YY1: variants seen among roughly 807,000 people sequenced by gnomAD.
The protein encoded by YY1 is transcriptional repressor protein YY1.
In YY1, 2 loss-of-function variants were observed where a neutral mutation model predicts 35.6. The ratio of observed to expected loss-of-function variants is 0.06; its 90% CI spans 0.02 to 0.18. YY1 has a LOEUF of 0.18. Among genes scored for constraint, YY1 ranks in the 10% least tolerant of loss-of-function variants. YY1 has a pLI of 1.00. For synonymous variants in YY1, 268 were observed against 238.9 expected (o/e 1.12, Z -1.12); for missense variants, 322 against 573.4 (o/e 0.56, Z 4.48).
intron 1 of YY1, among the ~76,000 whole-genome samples, chr14:100,250,110 G>C (rs1595316611): frequency 6.6e-6 from 1 of 152,280 alleles, no homozygotes; most frequent in African/African-American, 2.4e-5. Context: ...TGTCATTTCT[G>C]AGGTCAGTTT....
rs1195228695 is a variant in YY1, at chr14:100,244,318, TA to T, written c.679+4396del. On this transcript the variant is annotated intron_variant, in intron 1 of 4. Transcript: ENST00000262238. ...GAGATTGGCTTTTTTTTTCCTTTTTTACTTTTTTTTTTTTTTTTTTTTTTTG... is the reference window on the plus strand; with the variant it reads ...GAGATTGGCTTTTTTTTTCCTTTTTTCTTTTTTTTTTTTTTTTTTTTTTTG... Among the ~76,000 whole-genome samples, 929 of 112,320 alleles carry T rather than the reference TA, an allele frequency of 8.3e-3. 15 individuals carry two copies. Among genetic ancestry groups the T allele is most frequent in the African/African-American group, 0.028 (895 of 32,296 alleles). 73.7% of individuals were successfully genotyped at this position (112,320 alleles called of 152,430 possible).
chr14:100,260,477 T>G (rs1314507666), intron 1 of YY1, among the ~76,000 whole-genome samples: 1 of 150,528 alleles, frequency 6.6e-6, no homozygotes, highest in African/African-American at 2.4e-5. Flanking sequence ...GTATTTTTTT[T>G]TTTTTTCTTT....
rs535177821 is a variant in YY1, at chr14:100,252,629, A to G, written c.680-9675A>G. Among the ~76,000 whole-genome samples the G allele has an allele frequency of 7.9e-5, 12 of 152,264 alleles. No individual in the cohort carries two copies. The East Asian group carries it at 1.9e-3, about 24-fold the overall frequency. On this transcript the variant is annotated intron_variant, in intron 1 of 4. Transcript: ENST00000262238. ...ACATCACCTTACCCCCTTTGAATCA[A>G]TGACTGTATTCTCAGCTTTTTCCAA...
At chr14:100,260,771 C>CTTTTGTTTTTT (rs1891073922) in intron 1 of YY1, among the ~76,000 whole-genome samples, 1 of 42,540 alleles carries the variant, frequency 2.4e-5, no homozygotes, top group Non-Finnish European at 4.4e-5. Context: ...GTGCCTGGTC[C>CTTTTGTTTTTT]TTTTTTTTTT....
intron 1 of YY1, among the ~76,000 whole-genome samples, chr14:100,256,988 A>AT (rs1566774616): frequency 1.3e-5 from 2 of 151,630 alleles, no homozygotes; most frequent in South Asian, 2.1e-4. Flanking sequence ...TCTTTCATAT[A>AT]TTTTTTTGGT....
At chr14:100,250,360 C>G (rs1413417067) in intron 1 of YY1, among the ~76,000 whole-genome samples, 1 of 152,080 alleles carries the variant, frequency 6.6e-6, no homozygotes, top group African/African-American at 2.4e-5. Flanking sequence ...AGCGGTGACT[C>G]TTTTTTGTCT....
In YY1 at chr14:100,279,619, G is replaced by A. The variant is rs961053556; in HGVS notation, c.*2019G>A. On this transcript the variant is annotated 3_prime_UTR_variant, in exon 5 of 5. Coordinates refer to ENST00000262238, the MANE Select transcript of YY1 (RefSeq NM_003403.5). ...GCCCATGGTGGAGGTCTTCAGTGCC[G>A]AGGGCTCGGATGAGAACGTGTAGTT... The A allele has an allele frequency of 6.6e-6, 1 of 152,250 alleles. No homozygotes were observed. Among genetic ancestry groups the A allele is most frequent in the African/African-American group, 2.4e-5 (1 of 41,452 alleles). 9.4% of individuals were successfully genotyped at this position (152,250 alleles called of 1,614,324 possible). A position where few individuals can be genotyped will look rare whatever the true frequency, so the allele number is the denominator to read the frequency against.
chr14:100,248,679 CTTT>C (rs11415073), intron 1 of YY1, among the ~76,000 whole-genome samples: 5 of 105,012 alleles, frequency 4.8e-5, no homozygotes, highest in African/African-American at 7.3e-5. Flanking sequence ...GAGTAAAATT[CTTT>C]TTTTTTTTTT....
chr14:100,246,012 C>T (rs961595995), intron 1 of YY1, among the ~76,000 whole-genome samples: 1 of 152,178 alleles, frequency 6.6e-6, no homozygotes, highest in Non-Finnish European at 1.5e-5. Flanking sequence ...ACATTTAGTT[C>T]AGAGAGAAAT....
At chr14:100,255,901 G>C (rs567446083) in intron 1 of YY1, among the ~76,000 whole-genome samples, 1 of 152,192 alleles carries the variant, frequency 6.6e-6, no homozygotes, top group South Asian at 2.1e-4. Flanking sequence ...AATTGTTCAG[G>C]TTTTGATTAT....
intron 1 of YY1, among the ~76,000 whole-genome samples, chr14:100,244,137 A>G (rs1450471198): frequency 6.6e-6 from 1 of 151,268 alleles, no homozygotes; most frequent in African/African-American, 2.4e-5. Context: ...AGTGGGAGTC[A>G]TCATATTTCT....
intron 2 of YY1, among the ~76,000 whole-genome samples, chr14:100,273,035 C>T (rs1214095143): frequency 6.7e-6 from 1 of 148,470 alleles, no homozygotes; most frequent in Non-Finnish European, 1.5e-5. Context: ...GATCCCGGCT[C>T]ACGGCAACCT....
chr14:100,255,599 G>A (rs1890994108), intron 1 of YY1, among the ~76,000 whole-genome samples: 2 of 152,106 alleles, frequency 1.3e-5, no homozygotes, highest in South Asian at 4.1e-4. Flanking sequence ...AACCTGGGGG[G>A]GACAGAGCGA....
intron 3 of YY1, among the ~76,000 whole-genome samples, 190 bp downstream of exon 3, chr14:100,274,948 G>C (rs980663387): frequency 6.6e-6 from 1 of 152,104 alleles, no homozygotes. Context: ...CTGTTAAATG[G>C]GATGACTGCA....
At chr14:100,244,236 A>G (rs1020318867) in intron 1 of YY1, among the ~76,000 whole-genome samples, 6 of 151,716 alleles carry the variant, frequency 4.0e-5, no homozygotes, top group African/African-American at 9.7e-5. Context: ...TTTGAATGTA[A>G]TATCAGTATA....
Position 100,272,458 on chromosome 14 carries a change from C to A in YY1, c.843-2240C>A, listed in dbSNP as rs145904581. Among the ~76,000 whole-genome samples, 1,449 of 152,214 alleles carry A rather than the reference C, an allele frequency of 9.5e-3. 17 individuals carry two copies. Among genetic ancestry groups the A allele is most frequent in the African/African-American group, 0.034 (1,393 of 41,514 alleles). ...GGCTGGAAAGTTTAACCAATGATTT[C>A]ATGTGTTCAGGTTACAGATCAGGTC... is the stretch of plus-strand genomic sequence containing the variant. On this transcript the variant is annotated intron_variant, in intron 2 of 4. Transcript: ENST00000262238.
At position 100,282,571 on chromosome 14, in the gene YY1, ATG is replaced by A. The variant is rs1342423161; in HGVS notation, c.*4973_*4974del. 2 of 152,144 alleles carry A rather than the reference ATG, an allele frequency of 1.3e-5. No individual in the cohort carries two copies. Among genetic ancestry groups the A allele is most frequent in the African/African-American group, 4.8e-5 (2 of 41,410 alleles). 9.4% of individuals were successfully genotyped at this position (152,144 alleles called of 1,614,324 possible). ...GCTCAAGGACTTAGCATTTCGTCTCATGTACATCTTTTTCTTAAGTGTTCTTT... is the reference window on the plus strand; with the variant it reads ...GCTCAAGGACTTAGCATTTCGTCTCATACATCTTTTTCTTAAGTGTTCTTT... On this transcript the variant is annotated 3_prime_UTR_variant, in exon 5 of 5. Coordinates refer to ENST00000262238, the MANE Select transcript of YY1 (RefSeq NM_003403.5).
intron 1 of YY1, among the ~76,000 whole-genome samples, chr14:100,256,775 C>T (rs750495806): frequency 6.6e-6 from 1 of 151,958 alleles, no homozygotes; most frequent in Non-Finnish European, 1.5e-5. Context: ...GTGATGGTTA[C>T]ACATTCTGAA....
At chr14:100,240,391 C>G (rs1890716872) in intron 1 of YY1, among the ~76,000 whole-genome samples, 1 of 150,796 alleles carries the variant, frequency 6.6e-6, no homozygotes, top group African/African-American at 2.4e-5. Context: ...CGCGCGCCCC[C>G]GCCCCCGCCC....
Sources: gnomAD v4.1 joint callset for allele counts (sites outside exome capture counted in the v4.1 genomes callset) on GRCh38, gnomAD v4.1.1 for gene constraint, MANE v1.5 for transcripts, NCBI Gene and HGNC (gene_info 2026-07-23, HGNC 2026-07-21) for gene names.